TYK2: variants seen among roughly 807,000 people sequenced by gnomAD.
TYK2 encodes the protein non-receptor tyrosine-protein kinase TYK2.
Under a neutral mutation model 130.9 loss-of-function variants are expected in TYK2, and 65 were observed. That is an observed-to-expected ratio of 0.50 (90% CI 0.41 to 0.61). TYK2 has a LOEUF of 0.61. Ranked by LOEUF, TYK2 falls within the 20% of genes least tolerant of loss-of-function variation. TYK2 has a pLI of 0.00. For synonymous variants in TYK2, 647 were observed against 658.9 expected (o/e 0.98, Z 0.28); for missense variants, 1,378 against 1,610.7 (o/e 0.86, Z 2.47).
rs1485923076 is a variant in TYK2 at position 10,372,478 on chromosome 19, A to ATTT, written c.194-4061_194-4060insAAA. 5.2e-3 allele frequency among the ~76,000 whole-genome samples: 335 copies of ATTT among 64,298 alleles called. 6 individuals are homozygous for ATTT. The highest frequency in any genetic ancestry group is 0.019 in the African/African-American group (182 of 9,636). 42.2% of individuals were successfully genotyped at this position (64,298 alleles called of 152,430 possible). On this transcript the variant is annotated intron_variant, in intron 3 of 24. Transcript: ENST00000525621. ...CACAGCTATATATATATATATATAT[A>ATTT]TATATATTTTTTTTTTTTTTTTTTT...
chr19:10,361,531 A>G lies in TYK2; in HGVS notation c.2027T>C (p.Val676Ala), dbSNP rs372854123. 9.7e-6 allele frequency: 15 copies of G among 1,546,380 alleles called. No homozygotes were observed. The highest frequency in any genetic ancestry group is 1.3e-5 in the Non-Finnish European group (15 of 1,146,846). The change falls in exon 14 of 25, where the codon GTC (valine) becomes GCC (alanine). Residue 676 changes from valine (V) to alanine (A), a missense_variant. Coordinates refer to ENST00000525621, the MANE Select transcript of TYK2 (RefSeq NM_003331.5). This position sits in a 1 kb window ranked among gnomAD's most constrained non-coding sequence, Gnocchi z 4.0. ...SHTHLAFVHG[V>A]CVRGPENIMV... ...CTCACTTTCAGGGCCGCGCACACAG[A>G]CGCCATGCACGAAGGCCAGGTGCGT... is the stretch of plus-strand genomic sequence containing the variant.
chr19:10,352,945 C>T lies in TYK2; in HGVS notation c.3181G>A (p.Gly1061Arg). 1.9e-6 allele frequency: 3 copies of T among 1,607,856 alleles called. No individual in the cohort carries two copies. Among genetic ancestry groups the T allele is most frequent in the Non-Finnish European group, 1.7e-6 (2 of 1,177,302 alleles). Residue 1061 changes from glycine (G) to arginine (R), a missense_variant, in exon 22 of 25, where the codon GGG becomes AGG. Gly to Arg is a moderately radical substitution (Grantham distance 125). Transcript: ENST00000525621. Reference protein sequence around the residue: ...GHEYYRVREDGDSPVFWYAPE... With the variant: ...GHEYYRVREDRDSPVFWYAPE... ...GGTCACCAGAACACGGGGCTGTCCCCATCCTCGCGCACGCGGTAGTACTCG... is the reference window on the plus strand; with the variant it reads ...GGTCACCAGAACACGGGGCTGTCCCTATCCTCGCGCACGCGGTAGTACTCG...
chr19:10,367,279 T>A (rs1334451827), intron 5 of TYK2, among the ~76,000 whole-genome samples: 1 of 151,962 alleles, frequency 6.6e-6, no homozygotes, highest in African/African-American at 2.4e-5. Flanking sequence ...CTCTTGTCAA[T>A]CTTGTGCCTG....
At position 10,368,130 on chromosome 19, in the gene TYK2, G is replaced by A. The variant is rs764334695; in HGVS notation, c.390C>T (p.Thr130=). 1.4e-5 allele frequency: 23 copies of A among 1,613,890 alleles called. No homozygotes were observed. The highest frequency in any genetic ancestry group is 1.2e-4 in the Admixed American group (7 of 59,962). The change falls in exon 5 of 25, where the codon ACC becomes ACT. Residue 130 remains threonine (T), a synonymous_variant. Coordinates refer to ENST00000525621, the MANE Select transcript of TYK2 (RefSeq NM_003331.5). ...PAVYRCGPPG[T]EASSDQTAQG... Reference sequence around the variant, plus strand: ...GTGCTGTCTGATCTGAGGATGCCTCGGTTCCTGGGGGCCCACAACGGTACA... The same window carrying A: ...GTGCTGTCTGATCTGAGGATGCCTCAGTTCCTGGGGGCCCACAACGGTACA...
At chr19:10,374,882 CAAAA>C (rs769628463) in intron 3 of TYK2, among the ~76,000 whole-genome samples, 1 of 118,798 alleles carries the variant, frequency 8.4e-6, no homozygotes, top group African/African-American at 3.1e-5. Context: ...GACTTCGTTT[CAAAA>C]AAAAAAAAAA....
intron 18 of TYK2, 76 bp from the exon 19 acceptor site, chr19:10,354,685 C>T: frequency 8.3e-7 from 1 of 1,210,080 alleles, no homozygotes; most frequent in East Asian, 2.3e-5. Flanking sequence ...GTCACAAAGC[C>T]AGCCACAGCT....
chr19:10,358,995 G>A (rs550029026), intron 15 of TYK2, among the ~76,000 whole-genome samples, 180 bp downstream of exon 15: 6 of 152,094 alleles, frequency 3.9e-5, no homozygotes, highest in Non-Finnish European at 5.9e-5. Context: ...CCCGGGAGGC[G>A]AAGGTTGCAG....
At chr19:10,376,100 C>G (rs544646955) in intron 3 of TYK2, among the ~76,000 whole-genome samples, 54 of 150,942 alleles carry the variant, frequency 3.6e-4, no homozygotes, top group African/African-American at 1.3e-3. Context: ...GCAGCCTCCA[C>G]CTCCCAAGTT....
chr19:10,366,322 T>C, intron 6 of TYK2, 95 bp downstream of exon 6: 8 of 1,304,978 alleles, frequency 6.1e-6, no homozygotes, highest in Admixed American at 4.9e-5. Flanking sequence ...AAAAAAAAAG[T>C]AGAGGCACGG....
chr19:10,374,074 G>T (rs2042018667), intron 3 of TYK2, among the ~76,000 whole-genome samples: 1 of 151,960 alleles, frequency 6.6e-6, no homozygotes, highest in Non-Finnish European at 1.5e-5. Flanking sequence ...AGACCATCCT[G>T]GCTAGCACAG....
chr19:10,380,232 T>G (rs1191324031), intron 1 of TYK2, 148 bp downstream of exon 1: 1 of 152,322 alleles, frequency 6.6e-6, no homozygotes, highest in Non-Finnish European at 1.5e-5. Context: ...TCCTCCTTCC[T>G]CCTTTCTCGT....
rs1389106196 is a variant in TYK2 at position 10,350,605 on chromosome 19, G to A, written c.*229C>T. ...AAGTTTGGAAGCTGGGGGATTTAAGGGCTGGATTAGTGCCCCTACAAATGT... is the reference window on the plus strand; with the variant it reads ...AAGTTTGGAAGCTGGGGGATTTAAGAGCTGGATTAGTGCCCCTACAAATGT... On this transcript the variant is annotated 3_prime_UTR_variant, in exon 25 of 25. Transcript: ENST00000525621. 1.8e-6 allele frequency: 1 copy of A among 556,072 alleles called. No homozygotes were observed. Among genetic ancestry groups the A allele is most frequent in the Non-Finnish European group, 3.2e-6 (1 of 310,966 alleles). The allele number at this position is 556,072 out of a possible 1,614,324, so 34.4% of individuals were successfully genotyped here.
chr19:10,374,202 C>T (rs1337880361), intron 3 of TYK2, among the ~76,000 whole-genome samples: 1 of 150,288 alleles, frequency 6.7e-6, no homozygotes, highest in Non-Finnish European at 1.5e-5. Flanking sequence ...GAAGGCGGAG[C>T]TTGCAGTGAG....
At position 10,358,294 on chromosome 19, in the gene TYK2, G is replaced by GTT. The variant is rs770531180; in HGVS notation, c.2176-158_2176-157dup. On this transcript the variant is annotated intron_variant, in intron 15 of 24. Coordinates refer to ENST00000525621, the MANE Select transcript of TYK2 (RefSeq NM_003331.5). Reference sequence around the variant, plus strand: ...TTTTTTGGGGGGTTATTTTTTTCTTGTTTTTTTTTTTTTTTTTTTTTTTTA... The same window carrying GTT: ...TTTTTTGGGGGGTTATTTTTTTCTTGTTTTTTTTTTTTTTTTTTTTTTTTTTA... Among the ~76,000 whole-genome samples, 441 of 91,366 alleles carry GTT rather than the reference G, an allele frequency of 4.8e-3. 3 individuals are homozygous for GTT. Among genetic ancestry groups the GTT allele is most frequent in the South Asian group, 0.013 (35 of 2,720 alleles). 59.9% of individuals were successfully genotyped at this position (91,366 alleles called of 152,430 possible).
Position 10,352,446 on chromosome 19 carries a change from C to G in TYK2, c.3306G>C (p.Gln1102His). Residue 1102 changes from glutamine to histidine, a missense_variant, in exon 23 of 25, where the codon CAG becomes CAC. Transcript: ENST00000525621. ...GCCTGGCTCTCACCGTGGGGGGGCT[C>G]TGGCTGGAGTCACAGTGCGTCAGCA... ...YELLTHCDSSQSPPTKFLELI... is the reference protein window; with the variant it reads ...YELLTHCDSSHSPPTKFLELI... 1 of 1,610,096 alleles carries G rather than the reference C, an allele frequency of 6.2e-7. No homozygotes were observed.
At chr19:10,369,363 CCTTT>C (rs2041815297) in intron 3 of TYK2, among the ~76,000 whole-genome samples, 1 of 151,932 alleles carries the variant, frequency 6.6e-6, no homozygotes, top group East Asian at 1.9e-4. Flanking sequence ...CTTCCTCTGC[CCTTT>C]TTTTTTTAAG....
Position 10,364,592 on chromosome 19 carries a change from G to A in TYK2, c.1367+22C>T, listed in dbSNP as rs1261072554. Reference sequence around the variant, plus strand: ...TTGGCACCCTTGGCGGTGGCCCCCAGCGCCCCCCACCCAGCACTCACAGCA... The same window carrying A: ...TTGGCACCCTTGGCGGTGGCCCCCAACGCCCCCCACCCAGCACTCACAGCA... On this transcript the variant is annotated intron_variant, in intron 9 of 24. Coordinates refer to ENST00000525621, the MANE Select transcript of TYK2 (RefSeq NM_003331.5). The surrounding 1 kb of genome is among the most constrained non-coding windows in gnomAD (Gnocchi z 4.9). 1 of 1,613,340 alleles carries A rather than the reference G, an allele frequency of 6.2e-7. No homozygotes were observed. Among genetic ancestry groups the A allele is most frequent in the Non-Finnish European group, 8.5e-7 (1 of 1,179,896 alleles).
chr19:10,355,894 G>A (rs1291880188), intron 18 of TYK2, among the ~76,000 whole-genome samples: 1 of 151,998 alleles, frequency 6.6e-6, no homozygotes, highest in Admixed American at 6.6e-5. Flanking sequence ...CCTGGGAGAC[G>A]GAGGTTGCAG....
Position 10,362,603 on chromosome 19 carries a change from G to C in TYK2, c.1422C>G (p.His474Gln). ...LRPEDGLYLIHWSTSHPYRLI... is the reference protein window; with the variant it reads ...LRPEDGLYLIQWSTSHPYRLI... ...GGCGGTAGGGGTGGCTGGTGCTCCA[G>C]TGAATGAGGTACAGGCCGTCCTCGG... Residue 474 changes from histidine to glutamine, a missense_variant, in exon 10 of 25, where the codon CAC becomes CAG. By Grantham distance (24) the His-to-Gln change is conservative. Transcript: ENST00000525621. 1.3e-6 allele frequency: 2 copies of C among 1,553,428 alleles called. No homozygotes were observed. The highest frequency in any genetic ancestry group is 1.7e-6 in the Non-Finnish European group (2 of 1,147,950).
Sources: allele counts gnomAD v4.1 joint callset (sites outside exome capture counted in the v4.1 genomes callset), GRCh38; gene constraint gnomAD v4.1.1; non-coding constraint Gnocchi (gnomAD v3.1); transcripts MANE v1.5; gene names NCBI Gene and HGNC (gene_info 2026-07-23, HGNC 2026-07-21).